RD3: variants seen among roughly 807,000 people sequenced by gnomAD.
RD3 encodes the protein RD3 regulator of GUCY2D.
RD3 carries 11 observed loss-of-function variants against 16.9 expected under a neutral mutation model. That is an observed-to-expected ratio of 0.65 (90% confidence interval 0.41 to 1.08). The LOEUF is 1.08. Among genes scored for constraint, RD3 ranks in the 50% least tolerant of loss-of-function variants. RD3 has a pLI of 0.00. For missense variants in RD3, 274 were observed against 267.4 expected (o/e 1.02, Z -0.17); for synonymous variants, 116 against 114.8 (o/e 1.01, Z -0.07).
chr1:211,479,299 G>A lies in RD3; in HGVS notation c.325C>T (p.Pro109Ser), dbSNP rs368257358. 128 of 1,604,050 alleles carry A rather than the reference G, an allele frequency of 8.0e-5. No homozygotes were observed. The African/African-American group carries it at 1.2e-3, about 16-fold the overall frequency. The change falls in exon 3 of 3, where the codon CCC becomes TCC. Residue 109 changes from proline (P) to serine (S), a missense_variant. Physicochemically the swap from Pro to Ser is moderately conservative, Grantham distance 74. Coordinates refer to ENST00000680073, the MANE Select transcript of RD3 (RefSeq NM_001164688.2). ...RFRQLLAEQE[P>S]EVQEVSQLFR... ...AGCTGGGACACCTCCTGCACCTCGG[G>A]CTCCTGCTCCGCCAGCAGCTGCCGG...
chr1:211,482,733 G>A (rs986213430), intron 1 of RD3, among the ~76,000 whole-genome samples: 4 of 151,984 alleles, frequency 2.6e-5, no homozygotes, highest in African/African-American at 7.3e-5. Context: ...CCTGTCAGAT[G>A]TGGTCTGTGC....
chr1:211,481,458 T>C (rs758534535), intron 1 of RD3, 32 bp from the exon 2 acceptor site: 9 of 1,601,754 alleles, frequency 5.6e-6, no homozygotes, highest in Non-Finnish European at 7.7e-6. Flanking sequence ...GCATCTTTCC[T>C]GGGCCCCTCT....
At chr1:211,487,623 C>T (rs1264914920) in intron 1 of RD3, among the ~76,000 whole-genome samples, 2 of 152,204 alleles carry the variant, frequency 1.3e-5, no homozygotes, top group Non-Finnish European at 2.9e-5. Flanking sequence ...GTGCAGGAAG[C>T]CTTCCTGATT....
intron 1 of RD3, among the ~76,000 whole-genome samples, chr1:211,489,597 ATTTCAATAGAGC>A (rs1705445648): frequency 6.9e-6 from 1 of 145,344 alleles, no homozygotes; most frequent in African/African-American, 2.6e-5. Context: ...TGATAGCTGC[ATTTCAATAGAGC>A]TTGTTTCCTT....
At chr1:211,487,582 A>C (rs1442171981) in intron 1 of RD3, among the ~76,000 whole-genome samples, 1 of 152,222 alleles carries the variant, frequency 6.6e-6, no homozygotes, top group Non-Finnish European at 1.5e-5. Flanking sequence ...CAAGTTTAAA[A>C]GTTGGGAAAG....
intron 1 of RD3, among the ~76,000 whole-genome samples, chr1:211,487,480 A>G (rs1705396601): frequency 6.6e-6 from 1 of 152,238 alleles, no homozygotes; most frequent in Non-Finnish European, 1.5e-5. Context: ...CTTGGCCCCT[A>G]CAAGAGCAAA....
intron 1 of RD3, among the ~76,000 whole-genome samples, chr1:211,487,178 C>G (rs1047020502): frequency 6.6e-6 from 1 of 152,124 alleles, no homozygotes; most frequent in African/African-American, 2.4e-5. Flanking sequence ...TTCTTAAGAC[C>G]GAGAATGAGC....
At chr1:211,482,156 AGGTTGGG>A (rs570384281) in intron 1 of RD3, among the ~76,000 whole-genome samples, 18 of 150,744 alleles carry the variant, frequency 1.2e-4, no homozygotes, top group African/African-American at 4.2e-4. Flanking sequence ...CGGGAGGTGG[AGGTTGGG>A]GTGAGCCAAG....
intron 1 of RD3, among the ~76,000 whole-genome samples, chr1:211,484,958 G>A (rs912824858): frequency 1.3e-5 from 2 of 152,242 alleles, no homozygotes; most frequent in Non-Finnish European, 2.9e-5. Context: ...GCGGGCGACT[G>A]TCTGGCAGGG....
intron 1 of RD3, among the ~76,000 whole-genome samples, chr1:211,491,078 G>T (rs550554366): frequency 6.6e-6 from 1 of 152,210 alleles, no homozygotes; most frequent in African/African-American, 2.4e-5. Flanking sequence ...AGGAGAGGGC[G>T]TGTACACAGG....
chr1:211,491,010 C>A (rs778677173), intron 1 of RD3, among the ~76,000 whole-genome samples: 1 of 152,194 alleles, frequency 6.6e-6, no homozygotes, highest in African/African-American at 2.4e-5. Flanking sequence ...ATAAGCGGTT[C>A]CTGAATGAAT....
At chr1:211,488,292 T>C (rs1705416397) in intron 1 of RD3, among the ~76,000 whole-genome samples, 2 of 152,168 alleles carry the variant, frequency 1.3e-5, no homozygotes, top group South Asian at 4.1e-4. Context: ...CCCAGCACTT[T>C]GGGAGGCCAA....
Position 211,482,231 on chromosome 1 carries a change from A to C in RD3, c.-11-805T>G, listed in dbSNP as rs1705284362. Among the ~76,000 whole-genome samples the C allele has an allele frequency of 1.3e-5, 2 of 150,616 alleles. 1 individual carries two copies. ...GAGCAAAACTCCGTTTAAAAAAAAA[A>C]CTGTATGGATTAACATTAACCTGAA... On this transcript the variant is annotated intron_variant, in intron 1 of 2. Transcript: ENST00000680073.
At chr1:211,480,162 G>A (rs1311532108) in intron 2 of RD3, among the ~76,000 whole-genome samples, 2 of 152,012 alleles carry the variant, frequency 1.3e-5, no homozygotes, top group African/African-American at 4.8e-5. Context: ...AGGTGCTTCT[G>A]GAATAGATAC....
chr1:211,479,457 C>T (rs1572140646), intron 2 of RD3, 130 bp from the exon 3 acceptor site: 2 of 818,252 alleles, frequency 2.4e-6, no homozygotes, highest in East Asian at 2.7e-5. Flanking sequence ...GCTCCTGAAG[C>T]GAATCAGGAA....
rs73072853 is a variant in RD3, at chr1:211,477,755, C to T, written c.*1281G>A. On this transcript the variant is annotated 3_prime_UTR_variant, in exon 3 of 3. Coordinates refer to ENST00000680073, the MANE Select transcript of RD3 (RefSeq NM_001164688.2). The stretch of plus-strand genomic sequence containing the variant: ...CTTTTCCCCCCTGTTGATTATATCT[C>T]CTCCGGGTATTTTATTTAGGCTACT... The T allele has an allele frequency of 0.045, 9,947 of 221,532 alleles. 330 individuals carry two copies. Among genetic ancestry groups the T allele is most frequent in the African/African-American group, 0.099 (4,357 of 44,078 alleles). 13.7% of individuals were successfully genotyped at this position (221,532 alleles called of 1,614,324 possible). A position where few individuals can be genotyped will look rare whatever the true frequency, so the allele number is the denominator to read the frequency against.
At chr1:211,479,362 C>T (rs757134746) in intron 2 of RD3, 35 bp from the exon 3 acceptor site, 1 of 1,578,738 alleles carries the variant, frequency 6.3e-7, no homozygotes, top group Non-Finnish European at 8.6e-7. Context: ...GGACATTCAC[C>T]CACAACAGCG....
chr1:211,491,733 G>A (rs1300602514), intron 1 of RD3, 35 bp downstream of exon 1: 1 of 152,348 alleles, frequency 6.6e-6, no homozygotes, highest in Non-Finnish European at 1.5e-5. Flanking sequence ...TGCGGGTGGG[G>A]AAGACACTGT....
Position 211,479,250 on chromosome 1 carries a change from A to T in RD3, c.374T>A (p.Val125Asp). 1 of 1,607,472 alleles carries T rather than the reference A, an allele frequency of 6.2e-7. No homozygotes were observed. Among genetic ancestry groups the T allele is most frequent in the Non-Finnish European group, 8.5e-7 (1 of 1,177,466 alleles). The change falls in exon 3 of 3, where the codon GTC becomes GAC. Residue 125 changes from valine to aspartate, a missense_variant. By Grantham distance (152) the Val-to-Asp change is radical. Coordinates refer to ENST00000680073, the MANE Select transcript of RD3 (RefSeq NM_001164688.2). ...CTCTTCCTGCTTCATCCTCTCCAGG[A>T]CCTCCTGCAGCACCGAGCGGAAGAG... The part of the protein sequence containing the change: ...SQLFRSVLQE[V>D]LERMKQEEEA...
Sources: gnomAD v4.1 joint callset for allele counts (sites outside exome capture counted in the v4.1 genomes callset) on GRCh38, gnomAD v4.1.1 for gene constraint, MANE v1.5 for transcripts, NCBI Gene and HGNC (gene_info 2026-07-23, HGNC 2026-07-21) for gene names.